PLXNA4: variants seen among roughly 807,000 people sequenced by gnomAD.
PLXNA4 encodes the protein plexin-A4.
In PLXNA4, 44 loss-of-function variants were observed where a neutral mutation model predicts 191.8. The observed-to-expected ratio is 0.23, with a 90% CI of 0.18 to 0.29. PLXNA4 has a LOEUF of 0.29. PLXNA4 is among the 10% of genes least tolerant of loss of function. PLXNA4 has a pLI of 1.00. For missense variants in PLXNA4, 1,800 were observed against 2,488.8 expected (o/e 0.72, Z 5.89); for synonymous variants, 1,082 against 1,009.5 (o/e 1.07, Z -1.36).
intron 9 of PLXNA4, among the ~76,000 whole-genome samples, chr7:132,211,446 C>A (rs1231516303): frequency 6.6e-6 from 1 of 152,242 alleles, no homozygotes; most frequent in Non-Finnish European, 1.5e-5. Flanking sequence ...ACCCTTCTAC[C>A]CTAGTAGAGA....
intron 3 of PLXNA4, among the ~76,000 whole-genome samples, chr7:132,375,019 CCCCG>C (rs1262779124): frequency 1.3e-5 from 2 of 152,204 alleles, no homozygotes; most frequent in Non-Finnish European, 2.9e-5. Flanking sequence ...GCGAGGCTGT[CCCCG>C]CCCTCTGCAT....
intron 3 of PLXNA4, among the ~76,000 whole-genome samples, chr7:132,445,640 A>G (rs1795878556): frequency 6.6e-6 from 1 of 152,170 alleles, no homozygotes; most frequent in African/African-American, 2.4e-5. Context: ...GAAAGCAAAT[A>G]TATGATCTGG....
chr7:132,489,605 A>G (rs2117530934), intron 2 of PLXNA4, 131 bp from the exon 3 acceptor site: 1 of 867,318 alleles, frequency 1.2e-6, no homozygotes, highest in Non-Finnish European at 1.7e-6. Context: ...TCTTTTTTAC[A>G]TGAAAAACGT....
At chr7:132,225,944 C>T (rs1057279736) in intron 8 of PLXNA4, among the ~76,000 whole-genome samples, 1 of 152,102 alleles carries the variant, frequency 6.6e-6, no homozygotes, top group African/African-American at 2.4e-5. Context: ...AGTCTCTTTC[C>T]ATTAACCCTG....
chr7:132,518,808 A>G (rs1799049625), intron 1 of PLXNA4, among the ~76,000 whole-genome samples: 1 of 152,016 alleles, frequency 6.6e-6, no homozygotes, highest in Non-Finnish European at 1.5e-5. Flanking sequence ...CGGACCTCTG[A>G]GATGTTTATA....
At chr7:132,136,955 T>C (rs1795131056) in intron 30 of PLXNA4, among the ~76,000 whole-genome samples, 2 of 152,152 alleles carry the variant, frequency 1.3e-5, no homozygotes, top group African/African-American at 4.8e-5. Flanking sequence ...TTCCCCACTA[T>C]GATGCTTGTG....
At chr7:132,187,401 C>A in intron 15 of PLXNA4, 70 bp downstream of exon 15, 1 of 1,538,524 alleles carries the variant, frequency 6.5e-7, no homozygotes, top group Non-Finnish European at 8.8e-7. Context: ...AAAAACAAAG[C>A]TACCCTGAAG....
chr7:132,168,463 C>T lies in PLXNA4; in HGVS notation c.4127G>A (p.Arg1376His), dbSNP rs750458788. Reference protein sequence around the residue: ...LSFIRTLESQRSFSMRDRGNV... With the variant: ...LSFIRTLESQHSFSMRDRGNV... ...GCCACGGTCGCGCATGGAGAAGCTA[C>T]GCTGGGACTCAAGCGTGCGGATGAA... Residue 1376 changes from arginine to histidine, a missense_variant, in exon 22 of 32, where the codon CGT (arginine) becomes CAT (histidine). This residue lies in a region of PLXNA4 where 1,397 missense variants were observed against 1,880.4 expected (regional missense o/e 0.74). Coordinates refer to ENST00000321063, the MANE Select transcript of PLXNA4 (RefSeq NM_020911.2). The T allele has an allele frequency of 9.3e-6, 15 of 1,613,918 alleles. No homozygotes were observed. Among genetic ancestry groups the T allele is most frequent in the Middle Eastern group, 1.6e-4 (1 of 6,082 alleles).
intron 3 of PLXNA4, among the ~76,000 whole-genome samples, chr7:132,326,240 A>G (rs2116667023): frequency 6.6e-6 from 1 of 152,132 alleles, no homozygotes; most frequent in East Asian, 1.9e-4. Flanking sequence ...TCAGGCTGGA[A>G]CTCACACCAT....
At chr7:132,594,818 TG>T (rs1326923762) in intron 2 of PLXNA4, among the ~76,000 whole-genome samples, 5 of 152,250 alleles carry the variant, frequency 3.3e-5, no homozygotes, top group African/African-American at 7.2e-5. Context: ...CACTGAGCCC[TG>T]GGAGAAGGTG....
chr7:132,488,177 T>C (rs962103750), intron 3 of PLXNA4, among the ~76,000 whole-genome samples: 1 of 152,164 alleles, frequency 6.6e-6, no homozygotes, highest in African/African-American at 2.4e-5. Context: ...AAACACACTC[T>C]GGGGTGCCCG....
At chr7:132,222,974 T>C (rs1798196004) in intron 9 of PLXNA4, among the ~76,000 whole-genome samples, 1 of 152,138 alleles carries the variant, frequency 6.6e-6, no homozygotes, top group Admixed American at 6.5e-5. Context: ...TGGCCTAGGG[T>C]GGAACAGAAG....
At position 132,226,258 on chromosome 7, in the gene PLXNA4, C is replaced by A; in HGVS notation, c.1885G>T (p.Asp629Tyr). The A allele has an allele frequency of 6.2e-7, 1 of 1,612,890 alleles. No individual in the cohort carries two copies. The highest frequency in any genetic ancestry group is 1.1e-5 in the South Asian group (1 of 90,992). ...EVPRIITENG[D>Y]HHVVQLQLKS... Reference sequence around the variant, plus strand: ...AGCTGAAGCTGTACGACATGGTGGTCCCCTACAAGGAGAGATGGCTGAGGG... The same window carrying A: ...AGCTGAAGCTGTACGACATGGTGGTACCCTACAAGGAGAGATGGCTGAGGG... Residue 629 changes from aspartate (D) to tyrosine (Y), a missense_variant and splice_region_variant, in exon 8 of 32, where the codon GAC (aspartate) becomes TAC (tyrosine). Asp to Tyr is a radical substitution (Grantham distance 160). Coordinates refer to ENST00000321063, the MANE Select transcript of PLXNA4 (RefSeq NM_020911.2).
intron 3 of PLXNA4, among the ~76,000 whole-genome samples, chr7:132,435,577 GA>G (rs1795440344): frequency 6.6e-6 from 1 of 152,186 alleles, no homozygotes; most frequent in Non-Finnish European, 1.5e-5. Flanking sequence ...GAGTGTTGAA[GA>G]AAGTGGAAAG....
intron 12 of PLXNA4, among the ~76,000 whole-genome samples, chr7:132,202,334 G>T (rs939132231): frequency 6.6e-6 from 1 of 152,128 alleles, no homozygotes; most frequent in African/African-American, 2.4e-5. Context: ...CCTTGCCACC[G>T]AGGCTCTTAG....
At chr7:132,584,370 G>T (rs1362644274) in intron 2 of PLXNA4, among the ~76,000 whole-genome samples, 2 of 152,154 alleles carry the variant, frequency 1.3e-5, no homozygotes, top group East Asian at 3.8e-4. Context: ...AGATGCTGAC[G>T]TGACCCATGG....
chr7:132,585,069 C>T (rs977130814), intron 2 of PLXNA4, among the ~76,000 whole-genome samples: 13 of 152,220 alleles, frequency 8.5e-5, no homozygotes, highest in South Asian at 4.1e-4. Flanking sequence ...ATCTGGTAAA[C>T]GTCCCAGAGA....
intron 2 of PLXNA4, among the ~76,000 whole-genome samples, chr7:132,494,671 G>T (rs987887854): frequency 1.2e-4 from 18 of 152,266 alleles, no homozygotes; most frequent in Admixed American, 7.8e-4. Context: ...CTCGTGCACC[G>T]CAGCAAAGGT....
intron 29 of PLXNA4, among the ~76,000 whole-genome samples, chr7:132,144,898 C>T (rs1415296043): frequency 6.6e-6 from 1 of 152,174 alleles, no homozygotes; most frequent in African/African-American, 2.4e-5. Flanking sequence ...AAGAAAGATG[C>T]ACAGACAGAT....
Sources: gnomAD v4.1 joint callset for allele counts (sites outside exome capture counted in the v4.1 genomes callset) on GRCh38, gnomAD v4.1.1 for gene constraint, gnomAD v4.1.1 regional missense constraint, MANE v1.5 for transcripts, NCBI Gene and HGNC (gene_info 2026-07-23, HGNC 2026-07-21) for gene names.